Variants in NUP54 observed in about 807,000 individuals in gnomAD.
NUP54 encodes nucleoporin p54.
In NUP54, 27 loss-of-function variants were observed where a neutral mutation model predicts 66.4. The observed-to-expected ratio is 0.41, with a 90% CI of 0.30 to 0.56. The LOEUF is 0.56. NUP54 is among the 20% of genes least tolerant of loss of function. The pLI, the probability that NUP54 is intolerant of heterozygous loss-of-function variation, is 0.34. For missense variants in NUP54, 486 were observed against 596.3 expected (o/e 0.82, Z 1.93); for synonymous variants, 206 against 210.7 (o/e 0.98, Z 0.19).
At chr4:76,144,650 A>C (rs1402288848) in intron 1 of NUP54, among the ~76,000 whole-genome samples, 177 bp from the exon 2 acceptor site, 1 of 152,256 alleles carries the variant, frequency 6.6e-6, no homozygotes, top group Non-Finnish European at 1.5e-5. Context: ...TCAAGAAGTC[A>C]AAATGTTACA....
At chr4:76,133,905 C>T (rs892336868) in intron 5 of NUP54, among the ~76,000 whole-genome samples, 3 of 152,028 alleles carry the variant, frequency 2.0e-5, no homozygotes, top group African/African-American at 7.2e-5. Context: ...ATCTTTATGG[C>T]CCTCAATTTG....
intron 1 of NUP54, chr4:76,148,021 A>G: frequency 2.5e-6 from 1 of 399,208 alleles, no homozygotes; most frequent in Non-Finnish European, 4.5e-6. Context: ...GCAACCTCCA[A>G]TTTCTCTGAG....
At chr4:76,140,818 G>C (rs1452376985) in intron 3 of NUP54, among the ~76,000 whole-genome samples, 1 of 152,194 alleles carries the variant, frequency 6.6e-6, no homozygotes. Context: ...TATCTACACA[G>C]ACAGTTGGGC....
intron 3 of NUP54, 87 bp from the exon 4 acceptor site, chr4:76,136,499 C>T (rs1731045556): frequency 1.0e-6 from 1 of 958,018 alleles, no homozygotes; most frequent in Non-Finnish European, 1.6e-6. Flanking sequence ...AAATAATGGC[C>T]CCCTCCAAGA....
rs537347485 is a variant in NUP54, at chr4:76,115,581, A to G, written c.1396-87T>C. 3 of 1,036,344 alleles carry G rather than the reference A, an allele frequency of 2.9e-6. No individual in the cohort carries two copies. The East Asian group carries it at 8.3e-5, about 29-fold the overall frequency. The allele number at this position is 1,036,344 out of a possible 1,614,324, so 64.2% of individuals were successfully genotyped here. A position where few individuals can be genotyped will look rare whatever the true frequency, so the allele number is the denominator to read the frequency against. On this transcript the variant is annotated intron_variant, in intron 11 of 11. Transcript: ENST00000264883. ...CAGGAAAAAAGACTCCACTTTGACT[A>G]TTTTACTAGCAACACAGTACCTAGT...
chr4:76,120,095 T>A (rs1361165318), intron 9 of NUP54, among the ~76,000 whole-genome samples: 1 of 152,178 alleles, frequency 6.6e-6, no homozygotes, highest in African/African-American at 2.4e-5. Context: ...ATACATTTTG[T>A]TTTCACACTA....
intron 5 of NUP54, among the ~76,000 whole-genome samples, 189 bp from the exon 6 acceptor site, chr4:76,132,908 T>C (rs1053157633): frequency 6.6e-6 from 1 of 150,734 alleles, no homozygotes; most frequent in Admixed American, 6.6e-5. Flanking sequence ...CAGGCTGGAG[T>C]GCAGTGGTAT....
intron 3 of NUP54, among the ~76,000 whole-genome samples, chr4:76,140,152 G>A (rs927698936): frequency 2.6e-5 from 4 of 152,116 alleles, no homozygotes; most frequent in Middle Eastern, 3.4e-3. Flanking sequence ...CAGCACATGC[G>A]CCCTGAAAAG....
intron 1 of NUP54, chr4:76,147,774 G>T: frequency 3.4e-6 from 2 of 586,750 alleles, no homozygotes; most frequent in East Asian, 6.8e-5. Context: ...GCTCCAAACA[G>T]TTTAAGAAAG....
At chr4:76,126,903 A>G (rs1730560343) in intron 8 of NUP54, among the ~76,000 whole-genome samples, 1 of 152,192 alleles carries the variant, frequency 6.6e-6, no homozygotes, top group African/African-American at 2.4e-5. Context: ...AGACCCATAA[A>G]GACCCAGAAA....
In NUP54 at chr4:76,115,232, G is replaced by A; in HGVS notation, c.*134C>T. 1.4e-6 allele frequency: 1 copy of A among 732,604 alleles called. No homozygotes were observed. Among genetic ancestry groups the A allele is most frequent in the Non-Finnish European group, 2.0e-6 (1 of 496,972 alleles). 45.4% of individuals were successfully genotyped at this position (732,604 alleles called of 1,614,324 possible). On this transcript the variant is annotated 3_prime_UTR_variant, in exon 12 of 12. Coordinates refer to ENST00000264883, the MANE Select transcript of NUP54 (RefSeq NM_017426.4). ...AGATTTGATGAACAGTAATTTGTCA[G>A]TAAACTTCTCAAAAAACCAATCCAA...
intron 3 of NUP54, among the ~76,000 whole-genome samples, chr4:76,137,067 G>A (rs1172230612): frequency 1.3e-5 from 2 of 152,138 alleles, no homozygotes; most frequent in Admixed American, 6.5e-5. Context: ...ATGGCTCACT[G>A]CAGCCTCAAC....
chr4:76,121,981 A>G (rs1488078763), intron 9 of NUP54, among the ~76,000 whole-genome samples: 2 of 152,228 alleles, frequency 1.3e-5, no homozygotes, highest in African/African-American at 2.4e-5. Context: ...GAAAACCTCC[A>G]AGATAGCAAC....
intron 6 of NUP54, among the ~76,000 whole-genome samples, chr4:76,131,658 T>A (rs1244824019): frequency 6.7e-6 from 1 of 150,072 alleles, no homozygotes; most frequent in Non-Finnish European, 1.5e-5. Flanking sequence ...AATTAATTAT[T>A]TTGCCATCAG....
intron 3 of NUP54, among the ~76,000 whole-genome samples, chr4:76,141,273 T>C (rs1316653948): frequency 6.6e-6 from 1 of 152,220 alleles, no homozygotes; most frequent in Non-Finnish European, 1.5e-5. Flanking sequence ...AGCATTTAAG[T>C]GTTAGTGTTT....
At chr4:76,140,600 G>A (rs575293129) in intron 3 of NUP54, among the ~76,000 whole-genome samples, 1 of 152,228 alleles carries the variant, frequency 6.6e-6, no homozygotes, top group South Asian at 2.1e-4. Context: ...GGAAGTAGCA[G>A]TCAAGGCCAT....
At chr4:76,122,109 T>G (rs1478501546) in intron 9 of NUP54, among the ~76,000 whole-genome samples, 2 of 152,238 alleles carry the variant, frequency 1.3e-5, no homozygotes, top group Middle Eastern at 3.2e-3. Flanking sequence ...TATATTTTCC[T>G]TTAATGTGTT....
chr4:76,140,595 T>C (rs1015544983), intron 3 of NUP54, among the ~76,000 whole-genome samples: 10 of 152,168 alleles, frequency 6.6e-5, no homozygotes, highest in Non-Finnish European at 1.2e-4. Context: ...GTCTTGGAAG[T>C]AGCAGTCAAG....
intron 3 of NUP54, among the ~76,000 whole-genome samples, chr4:76,138,760 G>A (rs1273390248): frequency 1.3e-5 from 2 of 152,124 alleles, no homozygotes; most frequent in Non-Finnish European, 2.9e-5. Flanking sequence ...AAGGCCAACA[G>A]TATGTGTAAC....
Sources: allele counts gnomAD v4.1 joint callset (sites outside exome capture counted in the v4.1 genomes callset), GRCh38; gene constraint gnomAD v4.1.1; transcripts MANE v1.5; gene names NCBI Gene and HGNC (gene_info 2026-07-23, HGNC 2026-07-21).